Variants in WNT2B observed in about 807,000 individuals in gnomAD.
WNT2B encodes the protein Wnt family member 2B.
WNT2B carries 19 observed loss-of-function variants against 40.5 expected under a neutral mutation model. That is an observed-to-expected ratio of 0.47 (90% CI 0.33 to 0.69). The LOEUF (loss-of-function observed/expected upper bound fraction) is 0.69, where lower values mean the gene tolerates loss of function less well. Among genes scored for constraint, WNT2B ranks in the 30% least tolerant of loss-of-function variants. WNT2B has a pLI of 0.02. For synonymous variants in WNT2B, 220 were observed against 211.9 expected (o/e 1.04, Z -0.33); for missense variants, 467 against 556.4 (o/e 0.84, Z 1.62).
rs185258547 is a variant in WNT2B, at chr1:112,501,379, A to G, written c.-94-13495A>G. Among the ~76,000 whole-genome samples the G allele has an allele frequency of 1.2e-4, 19 of 152,304 alleles. No homozygotes were observed. In the East Asian group the frequency reaches 3.5e-3, roughly 28 times the overall value. On this transcript the variant is annotated intron_variant, in intron 1 of 4. Coordinates refer to the WNT2B transcript ENST00000256640. ...CTCCCTGTCTGTACAATACTCTTGGAAAAAGGTCACGATGCATAGCCCACA... is the reference window on the plus strand; with the variant it reads ...CTCCCTGTCTGTACAATACTCTTGGGAAAAGGTCACGATGCATAGCCCACA...
chr1:112,474,640 TG>T lies in WNT2B; in HGVS notation c.-95+7051del, dbSNP rs1462632799. On this transcript the variant is annotated intron_variant, in intron 1 of 4. Transcript: ENST00000256640. ...CAGTGAAAATACCTTTCAAAAACAA[TG>T]GCGATAGTCACTTTTTAAAATGTGA... 3.3e-5 allele frequency among the ~76,000 whole-genome samples: 5 copies of T among 152,262 alleles called. No individual in the cohort carries two copies. In the East Asian group the frequency reaches 9.6e-4, roughly 29 times the overall value.
intron 1 of WNT2B, among the ~76,000 whole-genome samples, chr1:112,483,535 A>T (rs756061055): frequency 3.3e-5 from 5 of 151,442 alleles, no homozygotes; most frequent in African/African-American, 1.2e-4. Flanking sequence ...AGAAGAAAAC[A>T]TAGGGGAACA....
chr1:112,503,542 T>A (rs1652022250), intron 1 of WNT2B, among the ~76,000 whole-genome samples: 2 of 151,370 alleles, frequency 1.3e-5, no homozygotes, highest in Non-Finnish European at 2.9e-5. Context: ...CACACCCACA[T>A]GCACAGAGAG....
chr1:112,487,198 A>G (rs1189720224), intron 1 of WNT2B, among the ~76,000 whole-genome samples: 1 of 152,238 alleles, frequency 6.6e-6, no homozygotes, highest in Non-Finnish European at 1.5e-5. Context: ...GACATTTAAA[A>G]TCAATACACA....
At chr1:112,471,472 A>G (rs892587907) in intron 1 of WNT2B, among the ~76,000 whole-genome samples, 8 of 152,206 alleles carry the variant, frequency 5.3e-5, no homozygotes, top group African/African-American at 1.7e-4. Flanking sequence ...TATTGGAGGT[A>G]TGATTATCTA....
At chr1:112,500,895 A>G (rs1006767399) in intron 1 of WNT2B, among the ~76,000 whole-genome samples, 1 of 152,234 alleles carries the variant, frequency 6.6e-6, no homozygotes, top group Non-Finnish European at 1.5e-5. Context: ...TTACACTACA[A>G]ATGTATGGTA....
chr1:112,501,567 T>C (rs1383352644), intron 1 of WNT2B, among the ~76,000 whole-genome samples: 3 of 152,220 alleles, frequency 2.0e-5, no homozygotes, highest in Non-Finnish European at 4.4e-5. Flanking sequence ...TTTTATGCTT[T>C]GGGTTACAAT....
At position 112,525,942 on chromosome 1, in the gene WNT2B, T is replaced by G. The variant is rs557041371; in HGVS notation, c.*5433T>G. 39 of 1,600,404 alleles carry G rather than the reference T, an allele frequency of 2.4e-5. No individual in the cohort carries two copies. The South Asian group carries it at 4.3e-4, about 18-fold the overall frequency. On this transcript the variant is annotated 3_prime_UTR_variant, in exon 5 of 5. Coordinates refer to ENST00000369684, the MANE Select transcript of WNT2B (RefSeq NM_024494.3). ...CACAACAACCCTGTGAGGTAGGGGT[T>G]ACTGTCACTTTACAGATGCTGTTCA...
chr1:112,481,029 C>T (rs1651208713), intron 1 of WNT2B, among the ~76,000 whole-genome samples: 1 of 152,028 alleles, frequency 6.6e-6, no homozygotes, highest in South Asian at 2.1e-4. Flanking sequence ...ATTAGCTGGG[C>T]ATGTTGGCAG....
chr1:112,498,505 G>A (rs1651849760), intron 1 of WNT2B, among the ~76,000 whole-genome samples: 5 of 151,592 alleles, frequency 3.3e-5, no homozygotes, highest in Admixed American at 2.6e-4. Flanking sequence ...AAAGTGCTGG[G>A]ATTACAGACT....
chr1:112,496,326 G>A (rs556975474), intron 1 of WNT2B, among the ~76,000 whole-genome samples: 1 of 152,190 alleles, frequency 6.6e-6, no homozygotes, highest in African/African-American at 2.4e-5. Context: ...ATTTTAGAAG[G>A]GATGCATTCT....
At chr1:112,497,236 G>T (rs1005661839) in intron 1 of WNT2B, among the ~76,000 whole-genome samples, 5 of 152,178 alleles carry the variant, frequency 3.3e-5, no homozygotes, top group African/African-American at 1.2e-4. Flanking sequence ...ACTCCACTAG[G>T]TATTGCCTTC....
intron 1 of WNT2B, among the ~76,000 whole-genome samples, chr1:112,493,204 T>C (rs576638569): frequency 1.3e-5 from 2 of 152,288 alleles, no homozygotes; most frequent in African/African-American, 2.4e-5. Context: ...AAGCAAGAAA[T>C]GCTAGAGATC....
chr1:112,493,177 T>C (rs1651652559), intron 1 of WNT2B, among the ~76,000 whole-genome samples: 1 of 152,170 alleles, frequency 6.6e-6, no homozygotes, highest in African/African-American at 2.4e-5. Flanking sequence ...CAGGCAATGT[T>C]AACAAAGAGA....
At chr1:112,471,948 A>G (rs1650893299) in intron 1 of WNT2B, among the ~76,000 whole-genome samples, 1 of 152,258 alleles carries the variant, frequency 6.6e-6, no homozygotes, top group Non-Finnish European at 1.5e-5. Context: ...ATACATATGA[A>G]GATGTAATCA....
chr1:112,483,219 CACATAT>C (rs1651287204), intron 1 of WNT2B, among the ~76,000 whole-genome samples: 1 of 59,438 alleles, frequency 1.7e-5, no homozygotes, highest in Non-Finnish European at 2.9e-5. Flanking sequence ...CACACACACA[CACATAT>C]ACACACACAC....
intron 1 of WNT2B, among the ~76,000 whole-genome samples, chr1:112,500,801 A>G (rs12038119): frequency 0.096 from 14,644 of 152,214 alleles, 982 homozygotes; most frequent in East Asian, 0.3. Flanking sequence ...TATATTTTAG[A>G]GCAGTTTTTA....
In WNT2B at chr1:112,527,276, T is replaced by G. The variant is rs1474824244; in HGVS notation, c.*6767T>G. ...GCAGCTCCCTGACCTGGGCCCCTAC[T>G]TGAGCTAGGAGAAGAACACCTCATG... On this transcript the variant is annotated 3_prime_UTR_variant, in exon 5 of 5. Coordinates refer to ENST00000369684, the MANE Select transcript of WNT2B (RefSeq NM_024494.3). 1 of 152,342 alleles carries G rather than the reference T, an allele frequency of 6.6e-6. No individual in the cohort carries two copies. Among genetic ancestry groups the G allele is most frequent in the Admixed American group, 6.5e-5 (1 of 15,286 alleles). 9.4% of individuals were successfully genotyped at this position (152,342 alleles called of 1,614,324 possible).
chr1:112,484,015 A>G (rs1232999716), intron 1 of WNT2B, among the ~76,000 whole-genome samples: 3 of 150,078 alleles, frequency 2.0e-5, no homozygotes, highest in African/African-American at 7.3e-5. Context: ...AATTTCAGCT[A>G]TTCAGGAGAC....
Sources: allele counts gnomAD v4.1 joint callset (sites outside exome capture counted in the v4.1 genomes callset), GRCh38; gene constraint gnomAD v4.1.1; transcripts MANE v1.5; gene names NCBI Gene and HGNC (gene_info 2026-07-23, HGNC 2026-07-21).